RAD52: variants seen among roughly 807,000 people sequenced by gnomAD.
The protein encoded by RAD52 is DNA repair protein RAD52 homolog.
RAD52 carries 47 observed loss-of-function variants against 55.5 expected under a neutral mutation model. The observed-to-expected ratio is 0.85, with a 90% CI of 0.67 to 1.08. RAD52 has a LOEUF of 1.08. Ranked by LOEUF, RAD52 falls within the 50% of genes least tolerant of loss-of-function variation. The pLI, the probability that RAD52 is intolerant of heterozygous loss-of-function variation, is 0.00. For synonymous variants in RAD52, 184 were observed against 198.9 expected (o/e 0.92, Z 0.63); for missense variants, 468 against 522.8 (o/e 0.90, Z 1.02).
At chr12:926,305 G>T (rs1957031405) in intron 6 of RAD52, among the ~76,000 whole-genome samples, 1 of 149,946 alleles carries the variant, frequency 6.7e-6, no homozygotes, top group South Asian at 2.1e-4. Context: ...ACCAGCCTAG[G>T]CAACAAAGGG....
At chr12:914,267 A>C in intron 10 of RAD52, 146 bp from the exon 11 acceptor site, 1 of 1,294,162 alleles carries the variant, frequency 7.7e-7, no homozygotes, top group East Asian at 2.5e-5. Context: ...CTAAAAGTAC[A>C]CTTCCCTTTG....
At chr12:938,302 T>C (rs865921075) in intron 1 of RAD52, among the ~76,000 whole-genome samples, 1 of 152,164 alleles carries the variant, frequency 6.6e-6, no homozygotes. Flanking sequence ...AGTTGAAATC[T>C]ACAAAGCAAC....
intron 6 of RAD52, chr12:926,780 A>G (rs2154112955): frequency 6.5e-7 from 1 of 1,531,992 alleles, no homozygotes; most frequent in Non-Finnish European, 8.8e-7. Context: ...CTGTGTAACT[A>G]CGTTAACTAT....
rs571893937 is a variant in RAD52, at chr12:918,254, G to C, written c.544-1434C>G. ...TAAATTGCCACATACTCATGCAAAA[G>C]AAAATTATACAGCAATGAAACTGCT... On this transcript the variant is annotated intron_variant, in intron 7 of 11. Transcript: ENST00000358495. Among the ~76,000 whole-genome samples, 14 of 152,278 alleles carry C rather than the reference G, an allele frequency of 9.2e-5. No individual in the cohort carries two copies. The East Asian group carries it at 1.7e-3, about 19-fold the overall frequency.
intron 1 of RAD52, among the ~76,000 whole-genome samples, chr12:968,898 T>C (rs77148121): frequency 0.079 from 12,036 of 152,044 alleles, 562 homozygotes; most frequent in African/African-American, 0.12. Flanking sequence ...AAATAAAGAA[T>C]TGGTGAGTAT....
chr12:950,937 A>G (rs1309434768), upstream of RAD52, among the ~76,000 whole-genome samples: 1 of 149,798 alleles, frequency 6.7e-6, no homozygotes, highest in African/African-American at 2.5e-5. Context: ...TTTTTAGTAG[A>G]GACAGGGTTT....
At chr12:918,006 A>G (rs1036518937) in intron 7 of RAD52, among the ~76,000 whole-genome samples, 5 of 152,184 alleles carry the variant, frequency 3.3e-5, no homozygotes, top group Non-Finnish European at 5.9e-5. Context: ...AAAGATACAG[A>G]ACAATTGGAA....
intron 2 of RAD52, 87 bp from the exon 3 acceptor site, chr12:931,408 C>CTTT (rs1288099792): frequency 4.0e-5 from 38 of 957,690 alleles, no homozygotes; most frequent in Non-Finnish European, 5.5e-5. Context: ...ACTTTATACT[C>CTTT]TTAAAAAGAC....
intron 1 of RAD52, among the ~76,000 whole-genome samples, chr12:987,134 C>T (rs1959096604): frequency 6.6e-6 from 1 of 151,962 alleles, no homozygotes; most frequent in Admixed American, 6.6e-5. Context: ...TCATGCCTGG[C>T]TAATTTTTGT....
chr12:963,824 T>G (rs1958719574), intron 1 of RAD52, among the ~76,000 whole-genome samples: 2 of 142,482 alleles, frequency 1.4e-5, no homozygotes, highest in African/African-American at 5.2e-5. Context: ...TATCGGCAAG[T>G]AAAAAAAAAA....
At chr12:978,332 C>T (rs1233116452) in intron 1 of RAD52, among the ~76,000 whole-genome samples, 2 of 151,714 alleles carry the variant, frequency 1.3e-5, no homozygotes, top group Admixed American at 6.6e-5. Context: ...GGATTACAGG[C>T]GTGAGCCACC....
At chr12:958,614 C>A (rs1209145920) in intron 1 of RAD52, among the ~76,000 whole-genome samples, 1 of 152,228 alleles carries the variant, frequency 6.6e-6, no homozygotes. Context: ...ACATGCAGAA[C>A]CAGTGCTGTT....
At chr12:990,345 T>C (rs1959169664), upstream of RAD52, 1 of 151,018 alleles carries the variant, frequency 6.6e-6, no homozygotes, top group Non-Finnish European at 1.5e-5. Flanking sequence ...AGCTACCCTC[T>C]GCATGGCTCC....
intron 1 of RAD52, among the ~76,000 whole-genome samples, chr12:949,116 T>C (rs916022375): frequency 6.6e-5 from 10 of 152,054 alleles, no homozygotes; most frequent in African/African-American, 2.4e-4. Flanking sequence ...AGTGTCGTGG[T>C]ACGGGTGCGA....
chr12:950,501 G>A (rs1435476954), upstream of RAD52, among the ~76,000 whole-genome samples: 8 of 151,650 alleles, frequency 5.3e-5, no homozygotes, highest in Non-Finnish European at 8.8e-5. Context: ...AACCCCGGGG[G>A]ACGGAGCCTG....
intron 1 of RAD52, among the ~76,000 whole-genome samples, chr12:947,981 T>C (rs1592450264): frequency 1.0e-5 from 1 of 95,760 alleles, no homozygotes; most frequent in African/African-American, 4.2e-5. Flanking sequence ...TAAATGCTAG[T>C]TTCCAAAAAC....
intron 1 of RAD52, among the ~76,000 whole-genome samples, chr12:961,514 TAATCTAA>T (rs1958685930): frequency 6.6e-6 from 1 of 151,826 alleles, no homozygotes. Flanking sequence ...GGGTGGGCCC[TAATCTAA>T]CCTGACTGGT....
rs762747614 is a variant in RAD52, at chr12:967,686, C to G, written c.-19+22123G>C. 2.6e-5 allele frequency among the ~76,000 whole-genome samples: 4 copies of G among 152,142 alleles called. No homozygotes were observed. In the Middle Eastern group the frequency reaches 0.01, roughly 388 times the overall value. On this transcript the variant is annotated intron_variant, in intron 1 of 11. Coordinates refer to the RAD52 transcript ENST00000430095. ...GTGGCGCGACCAAAGTTCACTGAAGCCTCGACTTCCCTGGCTCCAACGATC... is the reference window on the plus strand; with the variant it reads ...GTGGCGCGACCAAAGTTCACTGAAGGCTCGACTTCCCTGGCTCCAACGATC...
At chr12:955,972 G>T (rs563179938) in intron 1 of RAD52, among the ~76,000 whole-genome samples, 11 of 152,032 alleles carry the variant, frequency 7.2e-5, no homozygotes, top group African/African-American at 1.9e-4. Context: ...GTAGAGAGAG[G>T]GTTTCACCAT....
Sources: gnomAD v4.1 joint callset for allele counts (sites outside exome capture counted in the v4.1 genomes callset) on GRCh38, gnomAD v4.1.1 for gene constraint, MANE v1.5 for transcripts, NCBI Gene and HGNC (gene_info 2026-07-23, HGNC 2026-07-21) for gene names.